The following ERBIN variants were observed in gnomAD, a reference collection of about 807,000 sequenced individuals.
The protein encoded by ERBIN is densin-180-like protein.
In ERBIN, 60 loss-of-function variants were observed where a neutral mutation model predicts 158.4. The observed-to-expected ratio is 0.38, with a 90% CI of 0.31 to 0.47. The LOEUF (loss-of-function observed/expected upper bound fraction) is 0.47, where lower values mean the gene tolerates loss of function less well. Ranked by LOEUF, ERBIN falls within the 20% of genes least tolerant of loss-of-function variation. The pLI is 0.99. For missense variants in ERBIN, 1,610 were observed against 1,648.0 expected, an observed-to-expected ratio of 0.98 and a Z score of 0.40; for synonymous variants, 594 against 557.2, an observed-to-expected ratio of 1.07 and a Z score of -0.93.
chr5:66,025,398 TGTA>T, intron 10 of ERBIN, 79 bp from the exon 11 acceptor site: 1 of 975,198 alleles, frequency 1.0e-6, no homozygotes, highest in South Asian at 1.3e-5. Context: ...TCTTGTCAGA[TGTA>T]GTATGTCTCA....
intron 1 of ERBIN, among the ~76,000 whole-genome samples, chr5:65,958,292 A>G (rs35921118): frequency 0.82 from 123,749 of 151,804 alleles, 50,929 homozygotes; most frequent in Non-Finnish European, 0.86. Flanking sequence ...AGGTTGTCGC[A>G]AGCCGAGATC....
chr5:66,059,316 A>G (rs1194577679), intron 21 of ERBIN, among the ~76,000 whole-genome samples: 1 of 151,988 alleles, frequency 6.6e-6, no homozygotes, highest in Admixed American at 6.6e-5. Context: ...ATGGGAGTTC[A>G]CTCATGATTT....
intron 14 of ERBIN, among the ~76,000 whole-genome samples, chr5:66,034,303 T>C (rs1168251327): frequency 6.6e-6 from 1 of 151,922 alleles, no homozygotes; most frequent in Non-Finnish European, 1.5e-5. Context: ...GCTGTTTTTT[T>C]TTTTAAGACA....
At chr5:65,946,341 G>C (rs1032625925) in intron 1 of ERBIN, among the ~76,000 whole-genome samples, 1 of 152,106 alleles carries the variant, frequency 6.6e-6, no homozygotes, top group Non-Finnish European at 1.5e-5. Context: ...TCCAGCCTGG[G>C]TGACAGAGCA....
intron 1 of ERBIN, among the ~76,000 whole-genome samples, chr5:65,937,051 C>T (rs1744175300): frequency 6.6e-6 from 1 of 152,140 alleles, no homozygotes. Flanking sequence ...GGATTTAAAT[C>T]CACGACTTAC....
intron 1 of ERBIN, among the ~76,000 whole-genome samples, chr5:65,969,151 G>A (rs1275074497): frequency 6.6e-6 from 1 of 152,152 alleles, no homozygotes; most frequent in African/African-American, 2.4e-5. Flanking sequence ...AAATGCTAAT[G>A]TGAGAACAAG....
At chr5:65,959,844 C>T (rs17247181) in intron 1 of ERBIN, among the ~76,000 whole-genome samples, 9,432 of 152,184 alleles carry the variant, frequency 0.062, 388 homozygotes, top group Non-Finnish European at 0.094. Flanking sequence ...ACAAAGAACA[C>T]GTGACAGACA....
intron 14 of ERBIN, 149 bp downstream of exon 14, chr5:66,028,492 A>T: frequency 6.3e-6 from 3 of 477,288 alleles, no homozygotes. Context: ...CAAAATATTT[A>T]GAAGCAGATA....
chr5:66,025,514 T>A lies in ERBIN; in HGVS notation c.852T>A (p.Asp284Glu). The A allele has an allele frequency of 6.2e-7, 1 of 1,612,546 alleles. No homozygotes were observed. Among genetic ancestry groups the A allele is most frequent in the Non-Finnish European group, 8.5e-7 (1 of 1,178,890 alleles). ...SLKNITTLKI[D>E]ENQLMYLPDS... is the part of the protein sequence containing the mutation. Reference sequence around the variant, plus strand: ...AGAATATAACAACGCTTAAAATAGATGAAAACCAGTTAATGTATCTGCCAG... The same window carrying A: ...AGAATATAACAACGCTTAAAATAGAAGAAAACCAGTTAATGTATCTGCCAG... The change falls in exon 11 of 26, where the codon GAT (aspartate) becomes GAA (glutamate). Residue 284 changes from aspartate (D) to glutamate (E), a missense_variant. By Grantham distance (45) the Asp-to-Glu change is conservative. Around this residue, in one of 2 missense-constraint regions of ERBIN, gnomAD observed 596 missense variants for 711.9 expected, o/e 0.84. Coordinates refer to ENST00000284037, the MANE Select transcript of ERBIN (RefSeq NM_001253697.2).
intron 1 of ERBIN, among the ~76,000 whole-genome samples, chr5:65,940,197 C>A (rs1317878898): frequency 6.6e-6 from 1 of 150,752 alleles, no homozygotes; most frequent in African/African-American, 2.5e-5. Flanking sequence ...CTCTGCCCCG[C>A]CGCCCCGTCT....
intron 4 of ERBIN, among the ~76,000 whole-genome samples, chr5:66,008,656 T>C (rs909484243): frequency 6.6e-6 from 1 of 152,202 alleles, no homozygotes; most frequent in Admixed American, 6.5e-5. Flanking sequence ...AAAAATACTA[T>C]AACTCCTGGA....
intron 25 of ERBIN, 147 bp from the exon 26 acceptor site, chr5:66,078,276 C>G (rs1214604744): frequency 3.3e-6 from 2 of 606,234 alleles, no homozygotes; most frequent in Admixed American, 3.5e-5. Flanking sequence ...GACTTTATTC[C>G]TTGGTTTGGG....
At position 66,018,466 on chromosome 5, in the gene ERBIN, ATATATATTATATATTATATATTATAT is replaced by A. The variant is rs1755082983; in HGVS notation, c.534-2849_534-2824del. On this transcript the variant is annotated intron_variant, in intron 7 of 25. Transcript: ENST00000284037. ...AATATAATATATATTATATTATATA[ATATATATTATATATTATATATTATAT>A]TATATAATATATATTATATATTATA... is the stretch of plus-strand genomic sequence containing the variant. Among the ~76,000 whole-genome samples the A allele has an allele frequency of 3.1e-3, 17 of 5,498 alleles. 3 individuals carry two copies. The highest frequency in any genetic ancestry group is 0.011 in the African/African-American group (17 of 1,556). 3.6% of individuals were successfully genotyped at this position (5,498 alleles called of 152,430 possible).
At chr5:65,963,821 GC>G (rs1748213571) in intron 1 of ERBIN, among the ~76,000 whole-genome samples, 1 of 138,808 alleles carries the variant, frequency 7.2e-6, no homozygotes, top group Non-Finnish European at 1.5e-5. Context: ...ATGGAGTCTC[GC>G]TCTGTCGCCC....
At chr5:66,046,309 T>A (rs745314588) in intron 17 of ERBIN, 44 bp from the exon 18 acceptor site, 3 of 1,173,240 alleles carry the variant, frequency 2.6e-6, no homozygotes, top group South Asian at 2.3e-5. Flanking sequence ...AAAATAGATA[T>A]AAAACTTAAA....
intron 22 of ERBIN, among the ~76,000 whole-genome samples, chr5:66,073,958 A>C (rs1293701171): frequency 6.6e-6 from 1 of 151,872 alleles, no homozygotes; most frequent in Non-Finnish European, 1.5e-5. Flanking sequence ...AGCTCACTGC[A>C]GCCTCAAACT....
chr5:65,936,117 G>A (rs1488945553), intron 1 of ERBIN, among the ~76,000 whole-genome samples: 2 of 151,800 alleles, frequency 1.3e-5, no homozygotes, highest in East Asian at 3.9e-4. Flanking sequence ...CACACCTTAG[G>A]TCACTCTAGA....
chr5:66,004,022 C>T (rs1007221333), intron 4 of ERBIN, among the ~76,000 whole-genome samples: 11 of 149,012 alleles, frequency 7.4e-5, no homozygotes, highest in African/African-American at 2.5e-4. Flanking sequence ...CACTGCATCC[C>T]GAACTCTTGG....
At chr5:65,958,613 A>AAGAGAG (rs375971825) in intron 1 of ERBIN, among the ~76,000 whole-genome samples, 6,132 of 131,756 alleles carry the variant, frequency 0.047, 439 homozygotes, top group African/African-American at 0.16. Flanking sequence ...AGACCGTGGA[A>AAGAGAG]GGAGAGGGAG....
Sources: gnomAD v4.1 joint callset for allele counts (sites outside exome capture counted in the v4.1 genomes callset) on GRCh38, gnomAD v4.1.1 for gene constraint, gnomAD v4.1.1 regional missense constraint, MANE v1.5 for transcripts, NCBI Gene and HGNC (gene_info 2026-07-23, HGNC 2026-07-21) for gene names.